DCDC1: variants seen among roughly 807,000 people sequenced by gnomAD.
DCDC1 encodes doublecortin domain-containing protein 1.
Under a neutral mutation model 178.3 loss-of-function variants are expected in DCDC1, and 200 were observed. The ratio of observed to expected loss-of-function variants is 1.12; its 90% CI spans 1.00 to 1.26. DCDC1 has a LOEUF of 1.26. Among genes scored for constraint, DCDC1 ranks in the 50% most tolerant of loss-of-function variants. DCDC1 has a pLI of 0.00. For missense variants in DCDC1, 1,983 were observed against 1,749.2 expected (o/e 1.13, Z -2.38); for synonymous variants, 690 against 604.8 (o/e 1.14, Z -2.07).
chr11:31,020,076 G>A (rs1485695112), intron 20 of DCDC1, among the ~76,000 whole-genome samples: 1 of 152,208 alleles, frequency 6.6e-6, no homozygotes, highest in Non-Finnish European at 1.5e-5. Flanking sequence ...CGCAAATTAT[G>A]TGAGGATGTG....
intron 3 of DCDC1, among the ~76,000 whole-genome samples, chr11:31,309,586 C>T (rs1324945414): frequency 6.6e-6 from 1 of 152,160 alleles, no homozygotes; most frequent in Non-Finnish European, 1.5e-5. Flanking sequence ...ATTTCATAAA[C>T]AGTTCCAAGT....
chr11:31,281,636 C>G (rs1395636256), intron 7 of DCDC1, among the ~76,000 whole-genome samples: 2 of 151,982 alleles, frequency 1.3e-5, no homozygotes, highest in Non-Finnish European at 2.9e-5. Context: ...TCCCATAATT[C>G]CGTTTTGTGG....
intron 7 of DCDC1, among the ~76,000 whole-genome samples, chr11:31,272,771 G>A (rs1169256260): frequency 2.0e-5 from 3 of 152,338 alleles, no homozygotes; most frequent in South Asian, 4.1e-4. Flanking sequence ...GGGCACAGCC[G>A]CTGCTTTCAT....
At chr11:30,943,571 T>C (rs906762937) in intron 21 of DCDC1, 4 of 396,574 alleles carry the variant, frequency 1.0e-5, no homozygotes, top group Non-Finnish European at 2.0e-5. Flanking sequence ...TGAAAATCCA[T>C]TGCTCCTTAC....
At chr11:31,134,487 C>T (rs1009643677) in intron 10 of DCDC1, among the ~76,000 whole-genome samples, 1 of 152,186 alleles carries the variant, frequency 6.6e-6, no homozygotes, top group Non-Finnish European at 1.5e-5. Context: ...AGGATGTTTT[C>T]ACCCAACCTT....
At chr11:30,887,255 T>G (rs775861165) in intron 36 of DCDC1, among the ~76,000 whole-genome samples, 9 of 151,868 alleles carry the variant, frequency 5.9e-5, no homozygotes, top group Middle Eastern at 3.2e-3. Flanking sequence ...GATAATATAT[T>G]TTCAATGACT....
chr11:31,151,622 T>G (rs1281303949), intron 9 of DCDC1, among the ~76,000 whole-genome samples: 25 of 152,210 alleles, frequency 1.6e-4, no homozygotes, highest in Non-Finnish European at 4.4e-5. Context: ...AGAGGTGCTG[T>G]TAACAGTTTT....
intron 37 of DCDC1, among the ~76,000 whole-genome samples, chr11:30,879,994 C>T (rs916016369): frequency 4.0e-5 from 6 of 151,892 alleles, no homozygotes; most frequent in African/African-American, 9.7e-5. Flanking sequence ...GCTCACTATT[C>T]GATTGTATTG....
At chr11:31,165,765 T>C (rs892120595) in intron 9 of DCDC1, among the ~76,000 whole-genome samples, 1 of 152,220 alleles carries the variant, frequency 6.6e-6, no homozygotes, top group African/African-American at 2.4e-5. Context: ...TGTGCGCAGA[T>C]TTGAATTTCT....
rs976948791 is a variant in DCDC1, at chr11:31,058,444, T to A, written c.2591+6025A>T. ...AATTGGGCAATTCAGACAGTAAATA[T>A]ATATGTATATGACAGGTAGCAATAA... On this transcript the variant is annotated intron_variant, in intron 20 of 38. Transcript: ENST00000684477. Among the ~76,000 whole-genome samples, 7 of 152,240 alleles carry A rather than the reference T, an allele frequency of 4.6e-5. No homozygotes were observed. In the East Asian group the frequency reaches 1.4e-3, roughly 29 times the overall value.
At chr11:31,181,043 C>G (rs1968727595) in intron 9 of DCDC1, among the ~76,000 whole-genome samples, 1 of 152,084 alleles carries the variant, frequency 6.6e-6, no homozygotes, top group South Asian at 2.1e-4. Flanking sequence ...GGGCATCCAC[C>G]CTTATTGAAG....
chr11:31,341,559 T>C (rs1453248102), intron 1 of DCDC1, among the ~76,000 whole-genome samples: 3 of 152,194 alleles, frequency 2.0e-5, no homozygotes, highest in African/African-American at 4.8e-5. Context: ...ACCTAGCCTC[T>C]ATAGTATAGC....
At chr11:31,041,148 A>G (rs1259125654) in intron 20 of DCDC1, among the ~76,000 whole-genome samples, 1 of 152,162 alleles carries the variant, frequency 6.6e-6, no homozygotes, top group Non-Finnish European at 1.5e-5. Context: ...GCTCTTAGGG[A>G]CAGGAGTGAA....
At chr11:30,900,276 GATGGCATAAA>G in intron 33 of DCDC1, 60 bp downstream of exon 33, 1 of 1,272,082 alleles carries the variant, frequency 7.9e-7, no homozygotes, top group Non-Finnish European at 1.0e-6. Flanking sequence ...ATTTTCTTAT[GATGGCATAAA>G]ATGTATTTCT....
chr11:30,982,175 C>T (rs527616765), intron 20 of DCDC1, among the ~76,000 whole-genome samples: 19 of 152,212 alleles, frequency 1.2e-4, no homozygotes, highest in African/African-American at 4.3e-4. Flanking sequence ...ACACTTGTCC[C>T]GCAAATTAGT....
intron 1 of DCDC1, among the ~76,000 whole-genome samples, chr11:31,341,845 A>ACACAC (rs1950567324): frequency 6.7e-6 from 1 of 149,936 alleles, no homozygotes; most frequent in South Asian, 2.1e-4. Context: ...ACACACACAC[A>ACACAC]TTTTTTTTGG....
At chr11:31,131,414 A>G (rs1962425826) in intron 10 of DCDC1, among the ~76,000 whole-genome samples, 1 of 152,144 alleles carries the variant, frequency 6.6e-6, no homozygotes, top group African/African-American at 2.4e-5. Context: ...TTTCCATAGT[A>G]CTGTTAATTC....
chr11:31,216,561 A>C (rs571997521), intron 9 of DCDC1, among the ~76,000 whole-genome samples: 1 of 152,312 alleles, frequency 6.6e-6, no homozygotes, highest in East Asian at 1.9e-4. Context: ...TACTGAAATG[A>C]CAAGCAGATG....
chr11:31,078,613 C>G (rs895099920), intron 17 of DCDC1, among the ~76,000 whole-genome samples: 3 of 152,176 alleles, frequency 2.0e-5, no homozygotes, highest in Admixed American at 2.0e-4. Context: ...CTATTCTATT[C>G]TAAAGCAAGG....
Sources: gnomAD v4.1 joint callset for allele counts (sites outside exome capture counted in the v4.1 genomes callset) on GRCh38, gnomAD v4.1.1 for gene constraint, MANE v1.5 for transcripts, NCBI Gene and HGNC (gene_info 2026-07-23, HGNC 2026-07-21) for gene names.